RARS2: variants seen among roughly 807,000 people sequenced by gnomAD.
RARS2 encodes the protein arginyl-tRNA synthetase 2, mitochondrial.
In RARS2, 67 loss-of-function variants were observed where a neutral mutation model predicts 88.5. The observed-to-expected ratio is 0.76, with a 90% CI of 0.62 to 0.93. RARS2 has a LOEUF of 0.93. Ranked by LOEUF, RARS2 falls within the 40% of genes least tolerant of loss-of-function variation. The probability of loss-of-function intolerance (pLI) is 0.00; values close to 1 mark genes in which losing one functional copy is unlikely to be tolerated. For synonymous variants in RARS2, 239 were observed against 230.3 expected (o/e 1.04, Z -0.34); for missense variants, 664 against 684.2 (o/e 0.97, Z 0.33).
intron 6 of RARS2, among the ~76,000 whole-genome samples, chr6:87,547,732 C>T (rs1783005749): frequency 1.3e-5 from 2 of 151,880 alleles, no homozygotes; most frequent in Admixed American, 6.6e-5. Context: ...CTCTGCCTCC[C>T]GGGTTCAAGC....
At chr6:87,523,316 A>G (rs1774583985) in intron 11 of RARS2, among the ~76,000 whole-genome samples, 1 of 152,182 alleles carries the variant, frequency 6.6e-6, no homozygotes, top group African/African-American at 2.4e-5. Flanking sequence ...GAGTTAAACG[A>G]CAGTCCCAGG....
chr6:87,587,339 G>A (rs13193380), intron 1 of RARS2, among the ~76,000 whole-genome samples: 2 of 151,988 alleles, frequency 1.3e-5, no homozygotes, highest in Non-Finnish European at 2.9e-5. Flanking sequence ...CAAACTGTAC[G>A]GAACATGTTT....
intron 8 of RARS2, 128 bp from the exon 9 acceptor site, chr6:87,531,070 G>A (rs2295087): frequency 1.4e-6 from 2 of 1,447,810 alleles, no homozygotes; most frequent in East Asian, 2.5e-5. Context: ...GTACATTACA[G>A]AGTGTAACTT....
intron 1 of RARS2, among the ~76,000 whole-genome samples, chr6:87,589,516 C>A (rs1776323311): frequency 1.3e-5 from 2 of 152,102 alleles, no homozygotes; most frequent in Non-Finnish European, 2.9e-5. Context: ...TAAGTGACTG[C>A]AAGAGAAATA....
chr6:87,529,410 G>C (rs1298380673), intron 10 of RARS2, 132 bp downstream of exon 10: 4 of 696,680 alleles, frequency 5.7e-6, no homozygotes, highest in African/African-American at 1.8e-5. Flanking sequence ...AAAGTACTCT[G>C]AACAGGAAAA....
At chr6:87,529,721 A>ATTTGTTCTTTG in intron 9 of RARS2, 73 bp from the exon 10 acceptor site, 1 of 1,005,888 alleles carries the variant, frequency 9.9e-7, no homozygotes, top group South Asian at 1.3e-5. Flanking sequence ...AGGCAAAATT[A>ATTTGTTCTTTG]AGGATGCTCT....
intron 1 of RARS2, among the ~76,000 whole-genome samples, chr6:87,577,323 C>G (rs1480335568): frequency 2.6e-5 from 4 of 152,126 alleles, no homozygotes; most frequent in Non-Finnish European, 1.5e-5. Flanking sequence ...TCCTGAGTAG[C>G]TGGGACTACA....
chr6:87,563,523 A>C (rs1788509689), intron 3 of RARS2, among the ~76,000 whole-genome samples: 1 of 152,136 alleles, frequency 6.6e-6, no homozygotes, highest in Non-Finnish European at 1.5e-5. Flanking sequence ...AATTCTTTTG[A>C]GTTCCCAGAC....
At chr6:87,522,083 G>A (rs1039097495) in intron 11 of RARS2, among the ~76,000 whole-genome samples, 5 of 152,058 alleles carry the variant, frequency 3.3e-5, no homozygotes. Flanking sequence ...GTAATCCCAA[G>A]CACTTTGGGA....
At chr6:87,568,452 A>T (rs1768611383) in intron 2 of RARS2, among the ~76,000 whole-genome samples, 1 of 152,012 alleles carries the variant, frequency 6.6e-6, no homozygotes, top group African/African-American at 2.4e-5. Flanking sequence ...GTGAGCCGAG[A>T]TCACACCACT....
Position 87,532,361 on chromosome 6 carries a change from C to T in RARS2, c.613-1419G>A, listed in dbSNP as rs1388648122. ...CACCAACTTAACTGATAAAAGTGGT[C>T]ATTGTGCCTACACTGTGGATGCAAA... On this transcript the variant is annotated intron_variant, in intron 8 of 19. Coordinates refer to ENST00000369536, the MANE Select transcript of RARS2 (RefSeq NM_020320.5). Among the ~76,000 whole-genome samples the T allele has an allele frequency of 2.6e-5, 4 of 152,146 alleles. No individual in the cohort carries two copies. In the East Asian group the frequency reaches 5.8e-4, roughly 22 times the overall value.
At chr6:87,525,547 T>C (rs1489898999) in intron 10 of RARS2, among the ~76,000 whole-genome samples, 1 of 150,542 alleles carries the variant, frequency 6.6e-6, no homozygotes, top group Admixed American at 6.6e-5. Context: ...TAGCCTTTTT[T>C]TCTTTTTTTT....
At chr6:87,514,639 G>A (rs560932269) in intron 19 of RARS2, 140 bp from the exon 20 acceptor site, 63 of 786,630 alleles carry the variant, frequency 8.0e-5, no homozygotes, top group Admixed American at 1.7e-4. Context: ...CTATAGGCAA[G>A]AGAAGATAAA....
At chr6:87,530,740 C>T in intron 9 of RARS2, 44 bp downstream of exon 9, 1 of 1,596,850 alleles carries the variant, frequency 6.3e-7, no homozygotes, top group Non-Finnish European at 8.6e-7. Context: ...CAGCCGAGAG[C>T]TGCACTGCAT....
At chr6:87,571,420 G>C (rs1769685186) in intron 1 of RARS2, among the ~76,000 whole-genome samples, 1 of 152,048 alleles carries the variant, frequency 6.6e-6, no homozygotes, top group Admixed American at 6.5e-5. Context: ...AGCAGTGTGA[G>C]AACAGACTAA....
At chr6:87,583,118 T>C (rs750882328) in intron 1 of RARS2, among the ~76,000 whole-genome samples, 6 of 152,206 alleles carry the variant, frequency 3.9e-5, no homozygotes, top group Non-Finnish European at 8.8e-5. Context: ...AGGAGCATTA[T>C]GTATGAAACC....
At chr6:87,562,904 T>C (rs1788288608) in intron 3 of RARS2, 119 bp from the exon 4 acceptor site, 1 of 756,858 alleles carries the variant, frequency 1.3e-6, no homozygotes, top group African/African-American at 1.7e-5. Context: ...ATGGTCCCTA[T>C]ATCGGGTCCC....
At chr6:87,584,150 G>A (rs1386103046) in intron 1 of RARS2, among the ~76,000 whole-genome samples, 4 of 152,210 alleles carry the variant, frequency 2.6e-5, no homozygotes, top group African/African-American at 9.6e-5. Flanking sequence ...TTTCTCTCCT[G>A]TAACACAGTA....
intron 1 of RARS2, chr6:87,584,722 G>T (rs1260954138): frequency 2.2e-6 from 1 of 464,376 alleles, no homozygotes; most frequent in East Asian, 6.5e-5. Flanking sequence ...TTCTCAGAAA[G>T]AAACATTTAA....
Sources: gnomAD v4.1 joint callset for allele counts (sites outside exome capture counted in the v4.1 genomes callset) on GRCh38, gnomAD v4.1.1 for gene constraint, MANE v1.5 for transcripts, NCBI Gene and HGNC (gene_info 2026-07-23, HGNC 2026-07-21) for gene names.